The following DARS1 variants were observed in gnomAD, a reference collection of about 807,000 sequenced individuals.
DARS1 encodes aspartyl-tRNA synthetase 1.
DARS1 carries 51 observed loss-of-function variants against 68.8 expected under a neutral mutation model. That is an observed-to-expected ratio of 0.74 (90% CI 0.59 to 0.94). DARS1 has a LOEUF of 0.94. Among genes scored for constraint, DARS1 ranks in the 40% least tolerant of loss-of-function variants. The pLI, the probability that DARS1 is intolerant of heterozygous loss-of-function variation, is 0.00. For synonymous variants in DARS1, 203 were observed against 190.4 expected (o/e 1.07, Z -0.55); for missense variants, 607 against 597.3 (o/e 1.02, Z -0.17).
At chr2:135,920,310 A>G in intron 10 of DARS1, 143 bp downstream of exon 10, 1 of 1,309,342 alleles carries the variant, frequency 7.6e-7, no homozygotes, top group South Asian at 1.7e-5. Flanking sequence ...TTTCCAACCA[A>G]TTAAATGGAT....
In DARS1 at chr2:135,907,278, C is replaced by G; in HGVS notation, c.*38G>C. The G allele has an allele frequency of 4.5e-6, 4 of 891,436 alleles. No homozygotes were observed. The highest frequency in any genetic ancestry group is 4.9e-6 in the Non-Finnish European group (3 of 614,756). The allele number at this position is 891,436 out of a possible 1,614,324, so 55.2% of individuals were successfully genotyped here. On this transcript the variant is annotated 3_prime_UTR_variant, in exon 16 of 16. Transcript: ENST00000264161. ...TTTTTTTTTGAGGCAGGGTCTCGCT[C>G]TGTCATCCACACTGGAGTTAAGTGG... is the stretch of plus-strand genomic sequence containing the variant.
intron 13 of DARS1, among the ~76,000 whole-genome samples, chr2:135,912,227 T>C (rs1242256268): frequency 1.3e-5 from 2 of 152,234 alleles, no homozygotes; most frequent in Non-Finnish European, 2.9e-5. Flanking sequence ...ATAATTTACA[T>C]AGTCTTTCTC....
chr2:135,924,587 A>G, intron 7 of DARS1, 89 bp from the exon 8 acceptor site: 1 of 1,475,684 alleles, frequency 6.8e-7, no homozygotes, highest in Non-Finnish European at 8.9e-7. Context: ...AAACCTAACA[A>G]TTCTTGCTTT....
intron 3 of DARS1, among the ~76,000 whole-genome samples, chr2:135,965,511 C>T (rs1038873875): frequency 2.0e-5 from 3 of 152,054 alleles, no homozygotes; most frequent in Non-Finnish European, 4.4e-5. Flanking sequence ...AAGCAAACAA[C>T]GACAGATTAT....
At chr2:135,981,831 T>C (rs1188710530) in intron 2 of DARS1, among the ~76,000 whole-genome samples, 1 of 152,062 alleles carries the variant, frequency 6.6e-6, no homozygotes, top group Non-Finnish European at 1.5e-5. Context: ...CACGCCTAGC[T>C]AATTTTTTTA....
chr2:135,976,498 A>G (rs1048986253), intron 3 of DARS1, among the ~76,000 whole-genome samples: 4 of 152,048 alleles, frequency 2.6e-5, no homozygotes, highest in African/African-American at 9.6e-5. Context: ...CTCCCTATCC[A>G]CCCACCATGA....
At chr2:135,923,106 A>C (rs1681140042) in intron 8 of DARS1, among the ~76,000 whole-genome samples, 188 bp from the exon 9 acceptor site, 1 of 152,206 alleles carries the variant, frequency 6.6e-6, no homozygotes, top group Non-Finnish European at 1.5e-5. Flanking sequence ...TATTTAAACC[A>C]GATTTACTTC....
At chr2:135,959,354 G>GCA (rs1392006323) in intron 4 of DARS1, among the ~76,000 whole-genome samples, 2 of 113,128 alleles carry the variant, frequency 1.8e-5, no homozygotes, top group African/African-American at 6.9e-5. Flanking sequence ...CCACGCCATT[G>GCA]CACTCCAGCC....
chr2:135,933,977 C>T lies in DARS1; in HGVS notation c.437G>A (p.Ser146Asn). ...CAGGGGCAGACGGGGTTCAGCCAAA[C>T]TGATCACATAAATCTGTAAGTGAGA... is the stretch of plus-strand genomic sequence containing the variant. ...ELHVQKIYVI[S>N]LAEPRLPLQL... Residue 146 changes from serine (S) to asparagine (N), a missense_variant, in exon 6 of 16, where the codon AGT becomes AAT. Physicochemically the swap from Ser to Asn is conservative, Grantham distance 46. Coordinates refer to ENST00000264161, the MANE Select transcript of DARS1 (RefSeq NM_001349.4). 1 of 1,612,714 alleles carries T rather than the reference C, an allele frequency of 6.2e-7. No individual in the cohort carries two copies. Among genetic ancestry groups the T allele is most frequent in the Non-Finnish European group, 8.5e-7 (1 of 1,178,974 alleles).
chr2:135,914,514 GA>G lies in DARS1; in HGVS notation c.1107-4del. The G allele has an allele frequency of 5.6e-6, 8 of 1,422,700 alleles. No individual in the cohort carries two copies. Among genetic ancestry groups the G allele is most frequent in the Non-Finnish European group, 8.0e-6 (8 of 1,005,414 alleles). The allele number at this position is 1,422,700 out of a possible 1,614,324, so 88.1% of individuals were successfully genotyped here. On this transcript the variant is annotated splice_region_variant and splice_polypyrimidine_tract_variant and intron_variant, in intron 11 of 15. Transcript: ENST00000264161. ...CCAACAGCTTTTCATTTGGTGTGCTGAAAAAGAAACGTGAAATCAGTGTTTG... is the reference window on the plus strand; with the variant it reads ...CCAACAGCTTTTCATTTGGTGTGCTGAAAAGAAACGTGAAATCAGTGTTTG...
intron 3 of DARS1, among the ~76,000 whole-genome samples, chr2:135,963,598 C>T (rs1165736169): frequency 6.6e-6 from 1 of 151,596 alleles, no homozygotes; most frequent in African/African-American, 2.4e-5. Flanking sequence ...TCTCGAACTC[C>T]TGACCTCAGG....
intron 5 of DARS1, 46 bp downstream of exon 5, chr2:135,943,332 C>T (rs930717553): frequency 2.7e-5 from 43 of 1,588,168 alleles, no homozygotes; most frequent in African/African-American, 5.4e-5. Flanking sequence ...ACTATTAGAA[C>T]CCAAATCTAT....
In DARS1 at chr2:135,907,208, C is replaced by G. The variant is rs1315869263; in HGVS notation, c.*108G>C. 2 of 657,170 alleles carry G rather than the reference C, an allele frequency of 3.0e-6. No individual in the cohort carries two copies. The highest frequency in any genetic ancestry group is 5.0e-6 in the Non-Finnish European group (2 of 401,628). The allele number at this position is 657,170 out of a possible 1,614,324, so 40.7% of individuals were successfully genotyped here. ...AAGTACCTAAAGTACAGCCTGTGCACTAGCAGGTTACTGAAAAGAATAAGT... is the reference window on the plus strand; with the variant it reads ...AAGTACCTAAAGTACAGCCTGTGCAGTAGCAGGTTACTGAAAAGAATAAGT... On this transcript the variant is annotated 3_prime_UTR_variant, in exon 16 of 16. Transcript: ENST00000264161.
chr2:135,949,163 A>T (rs1190368637), intron 4 of DARS1, among the ~76,000 whole-genome samples: 1 of 152,150 alleles, frequency 6.6e-6, no homozygotes, highest in Non-Finnish European at 1.5e-5. Flanking sequence ...ATGTTTGGGG[A>T]GAGTGGGAAG....
At chr2:135,946,652 T>A (rs147073457) in intron 4 of DARS1, among the ~76,000 whole-genome samples, 1 of 151,770 alleles carries the variant, frequency 6.6e-6, no homozygotes, top group East Asian at 1.9e-4. Context: ...AAATCAAGGG[T>A]GAAGGTATAA....
chr2:135,961,266 G>T (rs1682093996), intron 4 of DARS1, 130 bp downstream of exon 4: 1 of 631,476 alleles, frequency 1.6e-6, no homozygotes. Context: ...ACACTGAACT[G>T]ACAATTTAAA....
In DARS1 at chr2:135,906,249, A is replaced by C. The variant is rs969579191; in HGVS notation, c.*1067T>G. 6.6e-6 allele frequency among the ~76,000 whole-genome samples: 1 copy of C among 152,184 alleles called. No individual in the cohort carries two copies. The highest frequency in any genetic ancestry group is 2.4e-5 in the African/African-American group (1 of 41,438). On this transcript the variant is annotated 3_prime_UTR_variant, in exon 16 of 16. Transcript: ENST00000264161. ...ATGTAATTTTTTCTTCCTGTACAAA[A>C]ATATGTTATGTTTTGTTCCTCCCCA...
chr2:135,969,709 C>A (rs923369117), intron 3 of DARS1, among the ~76,000 whole-genome samples: 1 of 151,762 alleles, frequency 6.6e-6, no homozygotes, highest in Non-Finnish European at 1.5e-5. Flanking sequence ...TATTGTCACT[C>A]ACTGCAATTA....
At chr2:135,938,736 A>C (rs1681525560) in intron 5 of DARS1, among the ~76,000 whole-genome samples, 1 of 152,190 alleles carries the variant, frequency 6.6e-6, no homozygotes, top group South Asian at 2.1e-4. Context: ...AAGAGTCAAG[A>C]CCCATCAGTG....
Sources: gnomAD v4.1 joint callset for allele counts (sites outside exome capture counted in the v4.1 genomes callset) on GRCh38, gnomAD v4.1.1 for gene constraint, MANE v1.5 for transcripts, NCBI Gene and HGNC (gene_info 2026-07-23, HGNC 2026-07-21) for gene names.